The following SASH1 variants were observed in gnomAD, a reference collection of about 807,000 sequenced individuals.
The protein encoded by SASH1 is SAM and SH3 domain-containing protein 1.
In SASH1, 44 loss-of-function variants were observed where a neutral mutation model predicts 125.2. That is an observed-to-expected ratio of 0.35 (90% CI 0.28 to 0.45). The LOEUF (loss-of-function observed/expected upper bound fraction) is 0.45. Among genes scored for constraint, SASH1 ranks in the 20% least tolerant of loss-of-function variants. SASH1 has a pLI of 1.00. For missense variants in SASH1, 1,426 were observed against 1,614.5 expected (o/e 0.88, Z 2.00); for synonymous variants, 639 against 649.1 (o/e 0.98, Z 0.24).
chr6:148,444,176 C>G lies in SASH1; in HGVS notation c.386+3769C>G, dbSNP rs558462757. 2.5e-4 allele frequency among the ~76,000 whole-genome samples: 38 copies of G among 152,234 alleles called. 1 individual carries two copies. Among genetic ancestry groups the G allele is most frequent in the Non-Finnish European group, 8.8e-5 (6 of 68,034 alleles). On this transcript the variant is annotated intron_variant, in intron 4 of 19. Coordinates refer to ENST00000367467, the MANE Select transcript of SASH1 (RefSeq NM_015278.5). ...GTCTCCCAGCTTGTCTCAGGGACCC[C>G]CTGTGTGCACGCCTCTGTCCTCCTT...
chr6:148,312,848 G>A (rs985424596), intron 1 of SASH1, among the ~76,000 whole-genome samples: 5 of 152,108 alleles, frequency 3.3e-5, no homozygotes, highest in African/African-American at 1.2e-4. Flanking sequence ...GGAGAAGGAG[G>A]AGAAGGAGGA....
At chr6:148,296,449 A>T (rs1279632844) in intron 1 of SASH1, among the ~76,000 whole-genome samples, 3 of 152,136 alleles carry the variant, frequency 2.0e-5, no homozygotes, top group African/African-American at 7.2e-5. Flanking sequence ...ATCATTAAGT[A>T]TGTATTTTAT....
chr6:148,525,992 A>C (rs1781124089), intron 11 of SASH1, among the ~76,000 whole-genome samples: 2 of 150,384 alleles, frequency 1.3e-5, no homozygotes, highest in Admixed American at 6.6e-5. Flanking sequence ...ACAGTGGCAC[A>C]CAAGTTTTGT....
chr6:148,239,413 C>T, the SASH1 span, among the ~76,000 whole-genome samples: 1 of 152,176 alleles, frequency 6.6e-6, no homozygotes, highest in Non-Finnish European at 1.5e-5. Context: ...CGTGCTCTCC[C>T]GTAACAGGGC....
the SASH1 span, among the ~76,000 whole-genome samples, chr6:148,250,616 A>T: frequency 6.6e-5 from 10 of 152,008 alleles, no homozygotes; most frequent in African/African-American, 2.4e-4. Flanking sequence ...AGAATGAAAC[A>T]TTACTGAAAA....
intron 2 of SASH1, among the ~76,000 whole-genome samples, chr6:148,406,430 G>A (rs1784377193): frequency 6.6e-6 from 1 of 152,184 alleles, no homozygotes; most frequent in African/African-American, 2.4e-5. Flanking sequence ...GTTACAGTTT[G>A]CATACAGATT....
intron 4 of SASH1, chr6:148,440,781 A>G (rs914410188): frequency 2.6e-5 from 5 of 193,552 alleles, no homozygotes; most frequent in African/African-American, 4.7e-5. Context: ...AAAATATACT[A>G]TATTCCAGAA....
At chr6:148,308,397 CT>C (rs200563796) in intron 1 of SASH1, among the ~76,000 whole-genome samples, 33,049 of 139,018 alleles carry the variant, frequency 0.24, 3,671 homozygotes, top group South Asian at 0.33. Flanking sequence ...AACTTAGGAG[CT>C]TTTTTTTTTT....
At chr6:148,526,485 T>C (rs187697887) in intron 11 of SASH1, among the ~76,000 whole-genome samples, 7 of 152,366 alleles carry the variant, frequency 4.6e-5, no homozygotes, top group Admixed American at 1.3e-4. Flanking sequence ...CTGGGATATA[T>C]ATGAAATGTT....
At chr6:148,421,189 G>GAAAA (rs1210627833) in intron 2 of SASH1, among the ~76,000 whole-genome samples, 1 of 144,396 alleles carries the variant, frequency 6.9e-6, no homozygotes, top group African/African-American at 2.5e-5. Flanking sequence ...AAGAAAGAAA[G>GAAAA]AAAGAAAGAA....
chr6:148,235,187 G>A, the SASH1 span, among the ~76,000 whole-genome samples: 21 of 152,194 alleles, frequency 1.4e-4, no homozygotes, highest in Non-Finnish European at 3.1e-4. Context: ...AAGAACGTAA[G>A]TGTTAAAAGA....
chr6:148,203,472 G>T, the SASH1 span, among the ~76,000 whole-genome samples: 2 of 152,126 alleles, frequency 1.3e-5, no homozygotes, highest in Non-Finnish European at 2.9e-5. Context: ...GCTGTGGTGT[G>T]GGTTTCTTCC....
chr6:148,520,109 A>G, intron 10 of SASH1: 1 of 552,634 alleles, frequency 1.8e-6, no homozygotes, highest in Non-Finnish European at 3.2e-6. Flanking sequence ...AGAAAGGCAA[A>G]GGGGGCGGGA....
At chr6:148,351,584 G>A (rs1583004845) in intron 1 of SASH1, among the ~76,000 whole-genome samples, 1 of 148,352 alleles carries the variant, frequency 6.7e-6, no homozygotes, top group South Asian at 2.1e-4. Context: ...TGATTTTTAA[G>A]TAAAGAGCCA....
chr6:148,399,094 G>A (rs768269534), intron 2 of SASH1, among the ~76,000 whole-genome samples: 4 of 150,300 alleles, frequency 2.7e-5, no homozygotes, highest in Non-Finnish European at 5.9e-5. Flanking sequence ...TTAGGCACTA[G>A]ACACCTTTGC....
At chr6:148,333,445 G>A (rs1781050958) in intron 1 of SASH1, among the ~76,000 whole-genome samples, 1 of 152,140 alleles carries the variant, frequency 6.6e-6, no homozygotes. Context: ...GAGTGACTCA[G>A]TAGAAGGCTT....
At chr6:148,502,803 A>G (rs1182899246) in intron 8 of SASH1, among the ~76,000 whole-genome samples, 2 of 152,250 alleles carry the variant, frequency 1.3e-5, no homozygotes, top group Non-Finnish European at 2.9e-5. Context: ...GACTAGGCTC[A>G]TGTAGGGACA....
At chr6:148,340,459 G>A (rs1386091256), upstream of SASH1, among the ~76,000 whole-genome samples, 1 of 150,974 alleles carries the variant, frequency 6.6e-6, no homozygotes, top group Non-Finnish European at 1.5e-5. Context: ...CTCCAGCCTG[G>A]GCGACAGGGT....
the SASH1 span, among the ~76,000 whole-genome samples, chr6:148,233,742 C>CAAAAAA: frequency 0.046 from 2,790 of 60,316 alleles, 498 homozygotes; most frequent in African/African-American, 0.16. Flanking sequence ...TTCCTCTCTA[C>CAAAAAA]AAAAAAAAAA....
Sources: allele counts gnomAD v4.1 joint callset (sites outside exome capture counted in the v4.1 genomes callset), GRCh38; gene constraint gnomAD v4.1.1; transcripts MANE v1.5; gene names NCBI Gene and HGNC (gene_info 2026-07-23, HGNC 2026-07-21).